The following ZNF536 variants were observed in gnomAD, a reference collection of about 807,000 sequenced individuals.
ZNF536 encodes zinc finger protein 536.
Under a neutral mutation model 84.5 loss-of-function variants are expected in ZNF536, and 13 were observed. That is an observed-to-expected ratio of 0.15 (90% CI 0.10 to 0.24). The LOEUF (loss-of-function observed/expected upper bound fraction) is 0.24. ZNF536 is among the 10% of genes least tolerant of loss of function. The probability of loss-of-function intolerance (pLI) is 1.00; values close to 1 mark genes in which losing one functional copy is unlikely to be tolerated. For synonymous variants in ZNF536, 811 were observed against 742.5 expected, an observed-to-expected ratio of 1.09 and a Z score of -1.50; for missense variants, 1,536 against 1,747.5, an observed-to-expected ratio of 0.88 and a Z score of 2.16.
chr19:30,560,679 A>G (rs910326702), downstream of ZNF536, among the ~76,000 whole-genome samples: 3 of 152,214 alleles, frequency 2.0e-5, no homozygotes, highest in African/African-American at 7.2e-5. Context: ...TTGCAGTAAG[A>G]GAGTCTTCAG....
At chr19:30,442,611 G>A (rs1170364014) in intron 1 of ZNF536, among the ~76,000 whole-genome samples, 1 of 152,154 alleles carries the variant, frequency 6.6e-6, no homozygotes, top group Non-Finnish European at 1.5e-5. Context: ...AGGTATCGGT[G>A]TTTCCTTTGA....
At chr19:30,666,943 A>G (rs2050346854) in intron 1 of ZNF536, among the ~76,000 whole-genome samples, 2 of 152,066 alleles carry the variant, frequency 1.3e-5, no homozygotes, top group African/African-American at 4.8e-5. Flanking sequence ...TGGAAAAGTC[A>G]GAAGTTGTGG....
At chr19:30,532,542 T>C (rs1054018698) in intron 2 of ZNF536, among the ~76,000 whole-genome samples, 25 of 152,178 alleles carry the variant, frequency 1.6e-4, no homozygotes, top group Admixed American at 1.3e-3. Flanking sequence ...CCTCCTAACT[T>C]AAATTAGGTA....
intron 2 of ZNF536, among the ~76,000 whole-genome samples, chr19:30,505,382 A>G (rs1489791161): frequency 6.8e-6 from 1 of 147,632 alleles, no homozygotes; most frequent in African/African-American, 2.5e-5. Context: ...AATGTATACT[A>G]TATATATGGT....
At position 30,431,768 on chromosome 19, in the gene ZNF536, A is replaced by C. The variant is rs542766478; in HGVS notation, c.-2-11793A>C. ...CCCAGGGAGGGGTCCTGCGGAGGCC[A>C]GGGCCTCTGGTTCCCAGGGCAGGGG... is the stretch of plus-strand genomic sequence containing the variant. On this transcript the variant is annotated intron_variant, in intron 1 of 4. Transcript: ENST00000355537. Among the ~76,000 whole-genome samples the C allele has an allele frequency of 7.9e-4, 121 of 152,282 alleles. 2 individuals carry two copies. Among genetic ancestry groups the C allele is most frequent in the African/African-American group, 2.8e-3 (117 of 41,578 alleles).
chr19:30,588,513 C>G (rs1010139137), intron 1 of ZNF536, among the ~76,000 whole-genome samples: 2 of 152,140 alleles, frequency 1.3e-5, no homozygotes, highest in African/African-American at 4.8e-5. Flanking sequence ...GTGAGGGGAC[C>G]ACTCACACAG....
At chr19:30,372,138 G>C (rs536816170), upstream of ZNF536, among the ~76,000 whole-genome samples, 1 of 152,334 alleles carries the variant, frequency 6.6e-6, no homozygotes, top group African/African-American at 2.4e-5. Context: ...CAAAACTGAG[G>C]CTGAGGCATG....
chr19:30,592,269 A>G (rs1198002727), intron 1 of ZNF536, among the ~76,000 whole-genome samples: 2 of 152,184 alleles, frequency 1.3e-5, no homozygotes, highest in Non-Finnish European at 2.9e-5. Context: ...AAGGGTTTCA[A>G]GTAGTAGGAT....
At chr19:30,403,024 T>C (rs981879519) in intron 1 of ZNF536, among the ~76,000 whole-genome samples, 1 of 152,012 alleles carries the variant, frequency 6.6e-6, no homozygotes, top group East Asian at 1.9e-4. Context: ...CCTGGCCCCC[T>C]GGTAGGAATG....
chr19:30,712,134 A>G (rs1466216581), exon 2 of ZNF536: 1 of 152,208 alleles, frequency 6.6e-6, no homozygotes, highest in Non-Finnish European at 1.5e-5. Context: ...TTTGTAAAAC[A>G]AATGTGTTCT....
chr19:30,383,835 TTTCCTTCCTTCCTTCC>T lies in ZNF536; in HGVS notation c.-3+11301_-3+11316del, dbSNP rs200232895. Among the ~76,000 whole-genome samples the T allele has an allele frequency of 1.1e-3, 103 of 95,522 alleles. 1 individual carries two copies. Among genetic ancestry groups the T allele is most frequent in the Middle Eastern group, 5.6e-3 (1 of 180 alleles). The allele number at this position is 95,522 out of a possible 152,430, so 62.7% of individuals were successfully genotyped here. On this transcript the variant is annotated intron_variant, in intron 1 of 4. Coordinates refer to ENST00000355537, the MANE Select transcript of ZNF536 (RefSeq NM_014717.3). ...TTCTCTCTTTCTTTCTTTCTCCTTC[TTTCCTTCCTTCCTTCC>T]TTCCTTCCTTCCTTCCTTCCTCCCC... is the stretch of plus-strand genomic sequence containing the variant.
At chr19:30,475,534 G>A (rs1426628099) in intron 2 of ZNF536, among the ~76,000 whole-genome samples, 3 of 152,178 alleles carry the variant, frequency 2.0e-5, no homozygotes, top group Non-Finnish European at 4.4e-5. Flanking sequence ...TCCCCAATTG[G>A]CGGGCATTTA....
chr19:30,480,847 C>T (rs571739066), intron 2 of ZNF536, among the ~76,000 whole-genome samples: 2 of 152,292 alleles, frequency 1.3e-5, no homozygotes, highest in East Asian at 1.9e-4. Flanking sequence ...ACCAGCCTGG[C>T]CAACATGGCG....
chr19:30,442,487 C>G (rs1016248978), intron 1 of ZNF536, among the ~76,000 whole-genome samples: 1 of 152,222 alleles, frequency 6.6e-6, no homozygotes, highest in Non-Finnish European at 1.5e-5. Flanking sequence ...CCTATGGCAT[C>G]ATTCCTGGAT....
In ZNF536 at chr19:30,336,586, C is replaced by T. The variant is rs141707248; in HGVS notation, c.-119-15782C>T. Among the ~76,000 whole-genome samples the T allele has an allele frequency of 4.8e-3, 730 of 152,062 alleles. 7 individuals carry two copies. The highest frequency in any genetic ancestry group is 0.016 in the African/African-American group (670 of 41,460). ...TTGAATCCTGGCTGGCACTTGGAGGCAGAGAGGACAGAGAAAAGCATGCCT... is the reference window on the plus strand; with the variant it reads ...TTGAATCCTGGCTGGCACTTGGAGGTAGAGAGGACAGAGAAAAGCATGCCT... On this transcript the variant is annotated intron_variant, in intron 2 of 5. Coordinates refer to the ZNF536 transcript ENST00000585628.
chr19:30,418,671 G>A (rs1376440832), intron 1 of ZNF536, among the ~76,000 whole-genome samples: 2 of 152,162 alleles, frequency 1.3e-5, no homozygotes, highest in Admixed American at 1.3e-4. Flanking sequence ...GGTTGGCCGG[G>A]GTTGGAAGGG....
chr19:30,377,908 A>C (rs1600461726), intron 1 of ZNF536, among the ~76,000 whole-genome samples: 1 of 152,106 alleles, frequency 6.6e-6, no homozygotes, highest in Non-Finnish European at 1.5e-5. Context: ...GCTCTGGTTC[A>C]CCTGCCTCTG....
chr19:30,466,962 T>A (rs1279246611), intron 2 of ZNF536, among the ~76,000 whole-genome samples: 1 of 152,204 alleles, frequency 6.6e-6, no homozygotes, highest in Non-Finnish European at 1.5e-5. Context: ...TGCCTCAGCC[T>A]CCCAAGTAGC....
chr19:30,562,686 G>A (rs2046215393), downstream of ZNF536, among the ~76,000 whole-genome samples: 1 of 151,982 alleles, frequency 6.6e-6, no homozygotes, highest in Non-Finnish European at 1.5e-5. Context: ...AGTGCCTCCT[G>A]CTTTCTTTCA....
Sources: gnomAD v4.1 joint callset for allele counts (sites outside exome capture counted in the v4.1 genomes callset) on GRCh38, gnomAD v4.1.1 for gene constraint, MANE v1.5 for transcripts, NCBI Gene and HGNC (gene_info 2026-07-23, HGNC 2026-07-21) for gene names.